The following TLR8 variants were observed in gnomAD, a reference collection of about 807,000 sequenced individuals.
TLR8 encodes the protein toll like receptor 8.
Under a neutral mutation model 18.5 loss-of-function variants are expected in TLR8, and 5 were observed. That is an observed-to-expected ratio of 0.27 (90% CI 0.14 to 0.57). TLR8 has a LOEUF of 0.57. Ranked by LOEUF, TLR8 falls within the 20% of genes least tolerant of loss-of-function variation. The probability of loss-of-function intolerance (pLI) is 0.92; values close to 1 mark genes in which losing one functional copy is unlikely to be tolerated. For synonymous variants in TLR8, 299 were observed against 300.1 expected, an observed-to-expected ratio of 1.00 and a Z score of 0.04; for missense variants, 543 against 769.8, an observed-to-expected ratio of 0.71 and a Z score of 3.49.
chrX:12,916,101 G>A (rs1283059500), intron 1 of TLR8, among the ~76,000 whole-genome samples: 5 of 111,141 alleles, frequency 4.5e-5, no homozygotes, highest in South Asian at 3.8e-4. Flanking sequence ...GGCTGGTCTC[G>A]AACTCCCGAC....
intron 1 of TLR8, among the ~76,000 whole-genome samples, chrX:12,918,690 C>T (rs1312355662): frequency 9.0e-6 from 1 of 110,551 alleles, no homozygotes; most frequent in Non-Finnish European, 1.9e-5. Flanking sequence ...TGCACCACTA[C>T]GCCCGGCTAA....
intron 1 of TLR8, 23 bp from the exon 2 acceptor site, chrX:12,919,021 C>A (rs1348082126): frequency 8.4e-7 from 1 of 1,185,120 alleles, no homozygotes; most frequent in East Asian, 3.0e-5. Flanking sequence ...TAATACTGTG[C>A]TTCCACTTTT....
chrX:12,907,310 A>G (rs1267298189), intron 1 of TLR8, among the ~76,000 whole-genome samples: 1 of 112,407 alleles, frequency 8.9e-6, no homozygotes, highest in African/African-American at 3.2e-5. Flanking sequence ...TGTAATTATT[A>G]TTTTACACTG....
chrX:12,919,601 C>T lies in TLR8; in HGVS notation c.561C>T (p.Cys187=), dbSNP rs5744079. Reference sequence around the variant, plus strand: ...GGAACTGCTATTTTAACAAAGTTTGCGAGAAAACTAACATAGAAGATGGAG... The same window carrying T: ...GGAACTGCTATTTTAACAAAGTTTGTGAGAAAACTAACATAGAAGATGGAG... ...LAWNCYFNKV[C]EKTNIEDGVF... Residue 187 remains cysteine (C), a synonymous_variant, in exon 2 of 2, where the codon TGC becomes TGT. Coordinates refer to ENST00000218032, the MANE Select transcript of TLR8 (RefSeq NM_138636.5). 2.3e-3 allele frequency: 2,754 copies of T among 1,206,965 alleles called. 40 individuals carry two copies. In the African/African-American group the frequency reaches 0.041, roughly 18 times the overall value.
rs891507976 is a variant in TLR8, at chrX:12,922,135, A to G, written c.3095A>G (p.Asn1032Ser). 4 of 1,205,231 alleles carry G rather than the reference A, an allele frequency of 3.3e-6. No homozygotes were observed. The Admixed American group carries it at 8.8e-5, about 27-fold the overall frequency. Residue 1032 changes from asparagine (N) to serine (S), a missense_variant, in exon 2 of 2, where the codon AAT becomes AGT. By Grantham distance (46) the Asn-to-Ser change is conservative. Transcript: ENST00000218032. ...ACTGAAAATGATTCACGGTATAACA[A>G]TATGTATGTCGATTCCATTAAGCAA... ...VLTENDSRYN[N>S]MYVDSIKQY
rs1173264527 is a variant in TLR8 at position 12,921,214 on chromosome X, C to T, written c.2174C>T (p.Ser725Phe). 2 of 1,210,200 alleles carry T rather than the reference C, an allele frequency of 1.7e-6. No homozygotes were observed. The highest frequency in any genetic ancestry group is 3.0e-5 in the East Asian group (1 of 33,796). ...RTLLLSHNRI[S>F]HLPSGFLSEV... ...CTGCTGCTGAGTCATAACAGGATTT[C>T]CCACCTACCCTCTGGCTTTCTTTCT... The change falls in exon 2 of 2, where the codon TCC becomes TTC. Residue 725 changes from serine (S) to phenylalanine (F), a missense_variant. Ser to Phe is a radical substitution (Grantham distance 155). Around this residue, in one of 4 missense-constraint regions of TLR8, gnomAD observed 227 missense variants for 312.9 expected, o/e 0.73. Transcript: ENST00000218032.
rs1423357355 is a variant in TLR8, at chrX:12,920,476, G to A, written c.1436G>A (p.Cys479Tyr). 1 of 1,210,350 alleles carries A rather than the reference G, an allele frequency of 8.3e-7. No homozygotes were observed. Among genetic ancestry groups the A allele is most frequent in the African/African-American group, 1.7e-5 (1 of 57,361 alleles). ...ACCCGTCCTTTAATAAAGCCACAAT[G>A]TGCTGCTTATGGAAAAGCCTTAGAT... is the stretch of plus-strand genomic sequence containing the variant. Reference protein sequence around the residue: ...HFTRPLIKPQCAAYGKALDLS... With the variant: ...HFTRPLIKPQYAAYGKALDLS... The change falls in exon 2 of 2, where the codon TGT becomes TAT. Residue 479 changes from cysteine to tyrosine, a missense_variant. Transcript: ENST00000218032.
In TLR8 at chrX:12,920,463, A is replaced by G. The variant is rs1271549509; in HGVS notation, c.1423A>G (p.Ile475Val). Reference sequence around the variant, plus strand: ...CTTTTATCATTTCACCCGTCCTTTAATAAAGCCACAATGTGCTGCTTATGG... The same window carrying G: ...CTTTTATCATTTCACCCGTCCTTTAGTAAAGCCACAATGTGCTGCTTATGG... ...SNFYHFTRPL[I>V]KPQCAAYGKA... The change falls in exon 2 of 2, where the codon ATA becomes GTA. Residue 475 changes from isoleucine (I) to valine (V), a missense_variant. By Grantham distance (29) the Ile-to-Val change is conservative. Coordinates refer to ENST00000218032, the MANE Select transcript of TLR8 (RefSeq NM_138636.5). The G allele has an allele frequency of 3.3e-6, 4 of 1,211,704 alleles. No homozygotes were observed. The highest frequency in any genetic ancestry group is 4.5e-6 in the Non-Finnish European group (4 of 895,437).
At position 12,919,052 on chromosome X, in the gene TLR8, G is replaced by A. The variant is rs1397585074; in HGVS notation, c.12G>A (p.Met4Ile). 5 of 1,197,378 alleles carry A rather than the reference G, an allele frequency of 4.2e-6. No individual in the cohort carries two copies. Among genetic ancestry groups the A allele is most frequent in the Non-Finnish European group, 5.6e-6 (5 of 887,940 alleles). The stretch of plus-strand genomic sequence containing the variant: ...CTTTTGATTTTCCTTAGGAAAACAT[G>A]TTCCTTCAGTCGTCAATGCTGACCT... MEN[M>I]FLQSSMLTCI... The change falls in exon 2 of 2, where the codon ATG becomes ATA. Residue 4 changes from methionine (M) to isoleucine (I), a missense_variant. By Grantham distance (10) the Met-to-Ile change is conservative. This residue lies in a region of TLR8 where 117 missense variants were observed against 111.0 expected (regional missense o/e 1.05). Transcript: ENST00000218032.
rs151151012 is a variant in TLR8 at position 12,921,393 on chromosome X, A to G, written c.2353A>G (p.Arg785Gly). ...ECTCDIGDFR[R>G]WMDEHLNVKI... ...CACCTGTGACATTGGAGATTTCCGA[A>G]GATGGATGGATGAACATCTGAATGT... Residue 785 changes from arginine (R) to glycine (G), a missense_variant, in exon 2 of 2, where the codon AGA becomes GGA. Physicochemically the swap from Arg to Gly is moderately radical, Grantham distance 125 (BLOSUM62 -2). This residue lies in a region of TLR8 where 227 missense variants were observed against 312.9 expected (regional missense o/e 0.73). Coordinates refer to ENST00000218032, the MANE Select transcript of TLR8 (RefSeq NM_138636.5). The G allele has an allele frequency of 1.1e-5, 13 of 1,212,135 alleles. No homozygotes were observed. The South Asian group carries it at 1.9e-4, about 18-fold the overall frequency.
chrX:12,908,771 A>AT (rs1394702401), intron 1 of TLR8, among the ~76,000 whole-genome samples: 1 of 112,559 alleles, frequency 8.9e-6, no homozygotes, highest in African/African-American at 3.2e-5. Flanking sequence ...CCTTGGTTTG[A>AT]TTTTAGAAAG....
At chrX:12,911,593 A>G (rs751250239) in intron 1 of TLR8, among the ~76,000 whole-genome samples, 27 of 112,461 alleles carry the variant, frequency 2.4e-4, no homozygotes, top group Middle Eastern at 4.6e-3. Flanking sequence ...ATTCACAGGT[A>G]CCAGGGGTTA....
In TLR8 at chrX:12,921,329, A is replaced by C. The variant is rs1430668774; in HGVS notation, c.2289A>C (p.Lys763Asn). The C allele has an allele frequency of 3.2e-5, 39 of 1,209,866 alleles. No individual in the cohort carries two copies. Among genetic ancestry groups the C allele is most frequent in the Non-Finnish European group, 4.1e-5 (37 of 895,239 alleles). Residue 763 changes from lysine (K) to asparagine (N), a missense_variant, in exon 2 of 2, where the codon AAA becomes AAC. Coordinates refer to ENST00000218032, the MANE Select transcript of TLR8 (RefSeq NM_138636.5). Reference protein sequence around the residue: ...KSALETKTTTKLSMLELHGNP... With the variant: ...KSALETKTTTNLSMLELHGNP... Reference sequence around the variant, plus strand: ...CACTTGAAACTAAGACCACCACCAAATTATCTATGTTGGAACTACACGGAA... The same window carrying C: ...CACTTGAAACTAAGACCACCACCAACTTATCTATGTTGGAACTACACGGAA...
chrX:12,921,483 G>T lies in TLR8; in HGVS notation c.2443G>T (p.Val815Leu), dbSNP rs2043094898. 2 of 1,210,130 alleles carry T rather than the reference G, an allele frequency of 1.7e-6. No individual in the cohort carries two copies. The highest frequency in any genetic ancestry group is 2.2e-5 in the Admixed American group (1 of 45,796). The stretch of plus-strand genomic sequence containing the variant: ...TGGGGATCAAAGAGGGAAGAGTATT[G>T]TGAGTCTGGAGCTAACAACTTGTGT... ...SPGDQRGKSIVSLELTTCVSD... is the reference protein window; with the variant it reads ...SPGDQRGKSILSLELTTCVSD... The change falls in exon 2 of 2, where the codon GTG (valine) becomes TTG (leucine). Residue 815 changes from valine to leucine, a missense_variant. Val to Leu is a conservative substitution (Grantham distance 32, BLOSUM62 1). Around this residue, in one of 4 missense-constraint regions of TLR8, gnomAD observed 227 missense variants for 312.9 expected, o/e 0.73. Coordinates refer to ENST00000218032, the MANE Select transcript of TLR8 (RefSeq NM_138636.5).
chrX:12,911,798 A>G (rs929233326), intron 1 of TLR8, among the ~76,000 whole-genome samples: 1 of 112,875 alleles, frequency 8.9e-6, no homozygotes, highest in African/African-American at 3.2e-5. Flanking sequence ...CCATTATACC[A>G]TCAGCTGTTG....
chrX:12,909,667 G>A (rs1020527922), intron 1 of TLR8, among the ~76,000 whole-genome samples: 3 of 111,771 alleles, frequency 2.7e-5, no homozygotes, highest in African/African-American at 9.8e-5. Context: ...TCAGGTCTCT[G>A]CTGATCACTG....
chrX:12,916,086 G>A (rs1260770661), intron 1 of TLR8, among the ~76,000 whole-genome samples: 1 of 110,820 alleles, frequency 9.0e-6, no homozygotes, highest in Non-Finnish European at 1.9e-5. Flanking sequence ...TCTCTATGTT[G>A]GCCAGGCTGG....
chrX:12,908,595 C>T (rs756697272), intron 1 of TLR8, among the ~76,000 whole-genome samples: 1 of 112,442 alleles, frequency 8.9e-6, no homozygotes, highest in East Asian at 2.8e-4. Flanking sequence ...CAGGGCTTGG[C>T]ATTTGTAGCT....
In TLR8 at chrX:12,921,848, C is replaced by T; in HGVS notation, c.2808C>T (p.Ile936=). 8.3e-7 allele frequency: 1 copy of T among 1,211,522 alleles called. No homozygotes were observed. Among genetic ancestry groups the T allele is most frequent in the Non-Finnish European group, 1.1e-6 (1 of 895,309 alleles). ...TCATCGACAACCTCATGCAGAGCATCAACCAAAGCAAGAAAACAGTATTTG... is the reference window on the plus strand; with the variant it reads ...TCATCGACAACCTCATGCAGAGCATTAACCAAAGCAAGAAAACAGTATTTG... ...LAIIDNLMQS[I]NQSKKTVFVL... Residue 936 remains isoleucine, a synonymous_variant, in exon 2 of 2, where the codon ATC becomes ATT. Coordinates refer to ENST00000218032, the MANE Select transcript of TLR8 (RefSeq NM_138636.5).
Sources: allele counts gnomAD v4.1 joint callset (sites outside exome capture counted in the v4.1 genomes callset), GRCh38; gene constraint gnomAD v4.1.1; regional missense constraint gnomAD v4.1.1; transcripts MANE v1.5; gene names NCBI Gene and HGNC (gene_info 2026-07-23, HGNC 2026-07-21).